The following MTMR6 variants were observed in gnomAD, a reference collection of about 807,000 sequenced individuals.
The protein encoded by MTMR6 is phosphatidylinositol-3,5-bisphosphate 3-phosphatase MTMR6.
A neutral mutation model predicts 80.1 loss-of-function variants in MTMR6; 47 were observed. The ratio of observed to expected loss-of-function variants is 0.59; its 90% confidence interval spans 0.46 to 0.75. The LOEUF is 0.75. Among genes scored for constraint, MTMR6 ranks in the 30% least tolerant of loss-of-function variants. The pLI is 0.00. For missense variants in MTMR6, 629 were observed against 730.9 expected, an observed-to-expected ratio of 0.86 and a Z score of 1.61; for synonymous variants, 254 against 253.0, an observed-to-expected ratio of 1.00 and a Z score of -0.04.
In MTMR6 at chr13:25,287,092, C is replaced by T. The variant is rs955672203; in HGVS notation, c.24+132G>A. Reference sequence around the variant, plus strand: ...CCTCCCAGACCAGGCCTGGCCAGACCCTCCCGCCCCGGGCCGGGTCTCCGC... The same window carrying T: ...CCTCCCAGACCAGGCCTGGCCAGACTCTCCCGCCCCGGGCCGGGTCTCCGC... On this transcript the variant is annotated intron_variant, in intron 1 of 13. Transcript: ENST00000381801. 8.1e-6 allele frequency: 11 copies of T among 1,354,064 alleles called. No homozygotes were observed. The Admixed American group carries it at 1.5e-4, about 18-fold the overall frequency. 83.9% of individuals were successfully genotyped at this position (1,354,064 alleles called of 1,614,324 possible).
chr13:25,248,688 C>CA lies in MTMR6; in HGVS notation c.*543dup, dbSNP rs1213827918. The CA allele has an allele frequency of 3.3e-5, 5 of 152,666 alleles. No homozygotes were observed. The highest frequency in any genetic ancestry group is 1.2e-4 in the African/African-American group (5 of 41,398). The allele number at this position is 152,666 out of a possible 1,614,324, so 9.5% of individuals were successfully genotyped here. A position where few individuals can be genotyped will look rare whatever the true frequency, so the allele number is the denominator to read the frequency against. ...AAGGCTGACCAGAAGAAAAACAAAA[C>CA]AAAAAATCTTGTTGTAGGCTGTAAA... On this transcript the variant is annotated 3_prime_UTR_variant, in exon 14 of 14. Coordinates refer to ENST00000381801, the MANE Select transcript of MTMR6 (RefSeq NM_004685.5).
At chr13:25,285,396 C>T (rs546763425) in intron 1 of MTMR6, among the ~76,000 whole-genome samples, 3 of 134,218 alleles carry the variant, frequency 2.2e-5, no homozygotes, top group African/African-American at 5.6e-5. Context: ...TCCGCCCCCC[C>T]CCCCCCAATT....
chr13:25,279,712 GA>G (rs1957804716), intron 1 of MTMR6, among the ~76,000 whole-genome samples: 1 of 152,096 alleles, frequency 6.6e-6, no homozygotes, highest in Admixed American at 6.5e-5. Context: ...ATAGTTGGAA[GA>G]AACTACTGTA....
rs547007912 is a variant in MTMR6, at chr13:25,248,079, C to T, written c.*1153G>A. 1 of 151,992 alleles carries T rather than the reference C, an allele frequency of 6.6e-6. No homozygotes were observed. The highest frequency in any genetic ancestry group is 1.5e-5 in the Non-Finnish European group (1 of 67,892). 9.4% of individuals were successfully genotyped at this position (151,992 alleles called of 1,614,324 possible). ...CAGAGTTTATGTTGCTTTTGTTAAA[C>T]AGTAACTTTGTACTAGAATCTCTTT... On this transcript the variant is annotated 3_prime_UTR_variant, in exon 14 of 14. Transcript: ENST00000381801.
chr13:25,280,267 C>T (rs1316387532), intron 1 of MTMR6, among the ~76,000 whole-genome samples: 1 of 152,172 alleles, frequency 6.6e-6, no homozygotes, highest in Non-Finnish European at 1.5e-5. Context: ...ATATTCAAAT[C>T]TATATAACAG....
intron 1 of MTMR6, among the ~76,000 whole-genome samples, chr13:25,286,992 G>C (rs1275056294): frequency 1.3e-5 from 2 of 152,110 alleles, no homozygotes; most frequent in Non-Finnish European, 2.9e-5. Flanking sequence ...CGCACTCCAA[G>C]ATGCTGAAAG....
In MTMR6 at chr13:25,287,225, T is replaced by C. The variant is rs749965290; in HGVS notation, c.23A>G (p.Lys8Arg). The C allele has an allele frequency of 6.3e-7, 1 of 1,598,338 alleles. No individual in the cohort carries two copies. Among genetic ancestry groups the C allele is most frequent in the Non-Finnish European group, 8.5e-7 (1 of 1,175,044 alleles). The change falls in exon 1 of 14, where the codon AAG (lysine) becomes AGG (arginine). Residue 8 changes from lysine to arginine, a missense_variant and splice_region_variant. Lys to Arg is a conservative substitution (Grantham distance 26). Coordinates refer to ENST00000381801, the MANE Select transcript of MTMR6 (RefSeq NM_004685.5). ...ACTGGCGATCCCGCGCCCGACTACC[T>C]TGGTCGTCCGGATATGCTCCATCGC... The part of the protein sequence containing the change: MEHIRTT[K>R]VEQVKLLDRF...
At chr13:25,272,100 G>A (rs866954437) in intron 2 of MTMR6, among the ~76,000 whole-genome samples, 43 of 152,190 alleles carry the variant, frequency 2.8e-4, no homozygotes, top group Middle Eastern at 3.4e-3. Context: ...AAATGGCGCC[G>A]GTCGTCTATA....
intron 1 of MTMR6, among the ~76,000 whole-genome samples, chr13:25,278,153 A>C (rs1409702616): frequency 6.6e-6 from 1 of 152,060 alleles, no homozygotes; most frequent in Non-Finnish European, 1.5e-5. Context: ...TCTAACTTTA[A>C]CTCCAAATTA....
chr13:25,256,853 T>C (rs1225681917), intron 9 of MTMR6, among the ~76,000 whole-genome samples: 2 of 152,188 alleles, frequency 1.3e-5, no homozygotes, highest in African/African-American at 2.4e-5. Flanking sequence ...AGGGAGAAAA[T>C]ACTGAATATT....
chr13:25,253,720 C>T (rs761787461), intron 11 of MTMR6, 44 bp downstream of exon 11: 1 of 1,541,036 alleles, frequency 6.5e-7, no homozygotes, highest in South Asian at 1.2e-5. Flanking sequence ...TAGACCTCGG[C>T]TAAGTAGGGG....
At chr13:25,274,939 G>GACAC (rs1555250640) in intron 1 of MTMR6, among the ~76,000 whole-genome samples, 104 of 43,004 alleles carry the variant, frequency 2.4e-3, no homozygotes, top group African/African-American at 5.4e-3. Flanking sequence ...CTAGTAGACA[G>GACAC]ACACACACAC....
At chr13:25,280,975 T>C in intron 1 of MTMR6, among the ~76,000 whole-genome samples, 1 of 152,114 alleles carries the variant, frequency 6.6e-6, no homozygotes, top group East Asian at 1.9e-4. Context: ...CAGCCAATTA[T>C]AAAATTAGAA....
intron 9 of MTMR6, among the ~76,000 whole-genome samples, chr13:25,254,989 G>T (rs1468262835): frequency 6.6e-6 from 1 of 152,040 alleles, no homozygotes; most frequent in Non-Finnish European, 1.5e-5. Context: ...CTCTTGAATG[G>T]ACTGACTTTA....
At chr13:25,282,901 C>T (rs1015883692) in intron 1 of MTMR6, among the ~76,000 whole-genome samples, 6 of 151,960 alleles carry the variant, frequency 3.9e-5, no homozygotes, top group Admixed American at 6.6e-5. Flanking sequence ...CCACCATGCC[C>T]GGCCTGCTTG....
chr13:25,274,300 A>C (rs1376529842), intron 1 of MTMR6, 113 bp from the exon 2 acceptor site: 2 of 617,676 alleles, frequency 3.2e-6, no homozygotes, highest in Non-Finnish European at 2.8e-6. Context: ...TAAAATCATA[A>C]GAGCTTATTT....
intron 2 of MTMR6, among the ~76,000 whole-genome samples, chr13:25,272,545 A>G (rs1957603163): frequency 6.6e-6 from 1 of 152,192 alleles, no homozygotes; most frequent in Non-Finnish European, 1.5e-5. Context: ...TAGCCCAGAC[A>G]GTGAACACAG....
chr13:25,263,059 A>G (rs1957374395), intron 5 of MTMR6, among the ~76,000 whole-genome samples: 2 of 152,214 alleles, frequency 1.3e-5, no homozygotes, highest in African/African-American at 4.8e-5. Context: ...AGGTTCGAAT[A>G]AAGAAAGTTA....
At position 25,251,852 on chromosome 13, in the gene MTMR6, C is replaced by T. The variant is rs141853933; in HGVS notation, c.1478+1G>A. The T allele has an allele frequency of 1.2e-6, 2 of 1,605,744 alleles. No individual in the cohort carries two copies. Among genetic ancestry groups the T allele is most frequent in the African/African-American group, 2.7e-5 (2 of 74,190 alleles). Reference sequence around the variant, plus strand: ...TAAATACTCCAATGATGTCAACTTACTTAAAATTGAAAGATACTGTATTTG... The same window carrying T: ...TAAATACTCCAATGATGTCAACTTATTTAAAATTGAAAGATACTGTATTTG... On this transcript the variant is annotated splice_donor_variant, in intron 12 of 13. Coordinates refer to ENST00000381801, the MANE Select transcript of MTMR6 (RefSeq NM_004685.5). LOFTEE classifies it high-confidence loss of function. The surrounding 1 kb of genome is among the most constrained non-coding windows in gnomAD (Gnocchi z 4.1).
Sources: allele counts gnomAD v4.1 joint callset (sites outside exome capture counted in the v4.1 genomes callset), GRCh38; gene constraint gnomAD v4.1.1; non-coding constraint Gnocchi (gnomAD v3.1); transcripts MANE v1.5; gene names NCBI Gene and HGNC (gene_info 2026-07-23, HGNC 2026-07-21).